PDIA6: variants seen among roughly 807,000 people sequenced by gnomAD.
The protein encoded by PDIA6 is protein disulfide isomerase family A member 6.
PDIA6 carries 29 observed loss-of-function variants against 58.4 expected under a neutral mutation model. The observed-to-expected ratio is 0.50, with a 90% CI of 0.37 to 0.68. PDIA6 has a LOEUF of 0.68. Ranked by LOEUF, PDIA6 falls within the 30% of genes least tolerant of loss-of-function variation. The pLI, the probability that PDIA6 is intolerant of heterozygous loss-of-function variation, is 0.00. For synonymous variants in PDIA6, 192 were observed against 202.6 expected (o/e 0.95, Z 0.44); for missense variants, 480 against 551.0 (o/e 0.87, Z 1.29).
upstream of PDIA6, among the ~76,000 whole-genome samples, chr2:10,817,735 T>A (rs1263725044): frequency 6.6e-6 from 1 of 152,232 alleles, no homozygotes; most frequent in Non-Finnish European, 1.5e-5. Flanking sequence ...TTGGGGCCAC[T>A]GGAGCAGTGA....
In PDIA6 at chr2:10,812,779, A is replaced by C. The variant is rs991859697; in HGVS notation, c.-83T>G. 3.8e-6 allele frequency: 5 copies of C among 1,319,582 alleles called. No individual in the cohort carries two copies. The East Asian group carries it at 1.4e-4, about 36-fold the overall frequency. The allele number at this position is 1,319,582 out of a possible 1,614,324, so 81.7% of individuals were successfully genotyped here. A position where few individuals can be genotyped will look rare whatever the true frequency, so the allele number is the denominator to read the frequency against. On this transcript the variant is annotated 5_prime_UTR_variant, in exon 1 of 13. Coordinates refer to ENST00000272227, the MANE Select transcript of PDIA6 (RefSeq NM_005742.4). ...TGCCGCACGCCGCGCCCCCGCGCCC[A>C]CGTCCCGCCCCAGGCCAGTCCGGTG...
intron 1 of PDIA6, chr2:10,810,333 G>C (rs1666951258): frequency 6.6e-7 from 1 of 1,526,676 alleles, no homozygotes; most frequent in African/African-American, 1.4e-5. Context: ...TAGGTAGACT[G>C]TGGCAGAATT....
chr2:10,829,203 T>A (rs1346495656), intron 1 of PDIA6, among the ~76,000 whole-genome samples: 1 of 152,184 alleles, frequency 6.6e-6, no homozygotes, highest in Admixed American at 6.5e-5. Flanking sequence ...GCCCACCTCC[T>A]CAGCTGTTTG....
chr2:10,792,930 G>A (rs545012298), intron 5 of PDIA6, among the ~76,000 whole-genome samples, 166 bp downstream of exon 5: 1 of 152,228 alleles, frequency 6.6e-6, no homozygotes, highest in Non-Finnish European at 1.5e-5. Context: ...AAATGAGCAG[G>A]CTGGAGGGCT....
intron 1 of PDIA6, among the ~76,000 whole-genome samples, chr2:10,831,084 AC>A (rs918160863): frequency 7.8e-4 from 118 of 151,904 alleles, no homozygotes; most frequent in African/African-American, 2.8e-3. Flanking sequence ...CGCTGGTGAG[AC>A]CCCCCTTCTC....
chr2:10,808,422 C>A (rs1686426), intron 1 of PDIA6, among the ~76,000 whole-genome samples: 74,235 of 152,034 alleles, frequency 0.49, 19,672 homozygotes, highest in South Asian at 0.58. Context: ...ATAGGTAACT[C>A]TTTAAGCAGG....
intron 1 of PDIA6, among the ~76,000 whole-genome samples, chr2:10,830,495 C>T (rs770518723): frequency 6.6e-6 from 1 of 152,166 alleles, no homozygotes; most frequent in Non-Finnish European, 1.5e-5. Flanking sequence ...GCACCCAGAG[C>T]CTTTGCAGGA....
At chr2:10,829,920 G>A (rs1249111326) in intron 1 of PDIA6, among the ~76,000 whole-genome samples, 4 of 152,124 alleles carry the variant, frequency 2.6e-5, no homozygotes, top group Admixed American at 2.6e-4. Flanking sequence ...ACATGCCTTC[G>A]CGAGGTGGCA....
chr2:10,834,572 G>A (rs1252053636), upstream of PDIA6, among the ~76,000 whole-genome samples: 3 of 152,146 alleles, frequency 2.0e-5, no homozygotes, highest in Non-Finnish European at 2.9e-5. Flanking sequence ...GATGCAGGCC[G>A]AGGCTCCTGT....
chr2:10,788,810 G>A (rs1478987240), intron 9 of PDIA6, 41 bp from the exon 10 acceptor site: 1 of 1,565,826 alleles, frequency 6.4e-7, no homozygotes, highest in Non-Finnish European at 8.8e-7. Context: ...TAAAGATAAA[G>A]GAGTCCATAA....
chr2:10,811,043 A>C (rs1686419), intron 1 of PDIA6, among the ~76,000 whole-genome samples: 2 of 151,866 alleles, frequency 1.3e-5, no homozygotes, highest in Non-Finnish European at 2.9e-5. Context: ...AGGAGTCTAC[A>C]GTCCCAGAGC....
chr2:10,788,511 C>T (rs575097507), intron 10 of PDIA6, among the ~76,000 whole-genome samples, 186 bp downstream of exon 10: 1 of 150,102 alleles, frequency 6.7e-6, no homozygotes, highest in Admixed American at 6.7e-5. Flanking sequence ...CAAAAATTAG[C>T]TGGGTGTGGT....
chr2:10,786,752 A>T (rs1665780263), intron 11 of PDIA6, among the ~76,000 whole-genome samples: 1 of 152,240 alleles, frequency 6.6e-6, no homozygotes, highest in African/African-American at 2.4e-5. Flanking sequence ...TATTGCCTAA[A>T]AGATGATTAG....
chr2:10,835,596 T>C (rs1232062309), upstream of PDIA6, among the ~76,000 whole-genome samples: 1 of 152,140 alleles, frequency 6.6e-6, no homozygotes, highest in Non-Finnish European at 1.5e-5. Context: ...ATCGGGACGA[T>C]GTTTTAATAA....
At chr2:10,801,664 G>A (rs545291460) in intron 2 of PDIA6, among the ~76,000 whole-genome samples, 66 of 152,274 alleles carry the variant, frequency 4.3e-4, no homozygotes, top group African/African-American at 1.5e-3. Context: ...AAAATAGAGC[G>A]TTTTTACCTC....
chr2:10,818,781 C>T (rs1667296572), intron 2 of PDIA6, among the ~76,000 whole-genome samples: 1 of 151,948 alleles, frequency 6.6e-6, no homozygotes, highest in African/African-American at 2.4e-5. Context: ...CCTCAGCCTC[C>T]CAAAGTGCTG....
intron 1 of PDIA6, among the ~76,000 whole-genome samples, chr2:10,831,088 C>T (rs1184173376): frequency 1.3e-5 from 2 of 152,158 alleles, no homozygotes; most frequent in East Asian, 3.9e-4. Flanking sequence ...GGTGAGACCC[C>T]CCTTCTCTCT....
intron 1 of PDIA6, among the ~76,000 whole-genome samples, chr2:10,803,693 G>A (rs1043659997): frequency 2.6e-5 from 4 of 151,966 alleles, no homozygotes; most frequent in Non-Finnish European, 5.9e-5. Context: ...AGTATCTTAA[G>A]AACCCAAAAG....
chr2:10,816,261 T>G (rs1005135604), upstream of PDIA6, among the ~76,000 whole-genome samples: 3 of 151,938 alleles, frequency 2.0e-5, no homozygotes, highest in African/African-American at 7.3e-5. Flanking sequence ...TTTTAAAATT[T>G]TTTTAGTAGA....
Sources: allele counts gnomAD v4.1 joint callset (sites outside exome capture counted in the v4.1 genomes callset), GRCh38; gene constraint gnomAD v4.1.1; transcripts MANE v1.5; gene names NCBI Gene and HGNC (gene_info 2026-07-23, HGNC 2026-07-21).